Variants in PYGB observed in about 807,000 individuals in gnomAD.
PYGB encodes glycogen phosphorylase, brain form.
In PYGB, 82 loss-of-function variants were observed where a neutral mutation model predicts 94.3. That is an observed-to-expected ratio of 0.87 (90% CI 0.73 to 1.04). PYGB has a LOEUF of 1.04. PYGB is among the 50% of genes least tolerant of loss of function. The pLI is 0.00. For missense variants in PYGB, 1,132 were observed against 1,158.2 expected (o/e 0.98, Z 0.33); for synonymous variants, 488 against 479.1 (o/e 1.02, Z -0.24).
chr20:25,248,458 T>C, intron 1 of PYGB, 37 bp downstream of exon 1: 1 of 1,328,860 alleles, frequency 7.5e-7, no homozygotes, highest in Non-Finnish European at 9.7e-7. Context: ...CCGTGCCCGC[T>C]GAGAGGGCGC....
chr20:25,255,509 G>A (rs1181449823), intron 1 of PYGB, among the ~76,000 whole-genome samples: 1 of 152,236 alleles, frequency 6.6e-6, no homozygotes, highest in African/African-American at 2.4e-5. Flanking sequence ...GGCCAGCTCT[G>A]TCCATAGTGC....
chr20:25,270,884 A>G (rs886274831), intron 3 of PYGB, among the ~76,000 whole-genome samples: 3 of 152,226 alleles, frequency 2.0e-5, no homozygotes, highest in East Asian at 1.9e-4. Flanking sequence ...GACACGTGCT[A>G]TAGCGCCTTG....
intron 16 of PYGB, among the ~76,000 whole-genome samples, chr20:25,292,032 G>A (rs990716733): frequency 3.3e-5 from 5 of 152,204 alleles, no homozygotes; most frequent in Admixed American, 2.0e-4. Context: ...CCAGGGAGCC[G>A]CTGGGGCTGA....
chr20:25,297,356 C>G lies in PYGB; in HGVS notation c.*834C>G, dbSNP rs1196426161. 6.6e-6 allele frequency: 1 copy of G among 152,360 alleles called. No homozygotes were observed. The highest frequency in any genetic ancestry group is 2.4e-5 in the African/African-American group (1 of 41,460). The allele number at this position is 152,360 out of a possible 1,614,324, so 9.4% of individuals were successfully genotyped here. A position where few individuals can be genotyped will look rare whatever the true frequency, so the allele number is the denominator to read the frequency against. On this transcript the variant is annotated 3_prime_UTR_variant, in exon 20 of 20. Transcript: ENST00000216962. ...CTTGTTTTAGCAACTGAAAATTGTA[C>G]TTGGTCACTTTTGTGCTTGAGGAGG...
At chr20:25,279,734 TAAAAC>T (rs1436962884) in intron 9 of PYGB, among the ~76,000 whole-genome samples, 1 of 151,494 alleles carries the variant, frequency 6.6e-6, no homozygotes, top group Non-Finnish European at 1.5e-5. Context: ...CCCAGAAAAA[TAAAAC>T]CAAAAGAAAC....
chr20:25,274,536 G>A (rs1216717332), intron 4 of PYGB, 56 bp from the exon 5 acceptor site: 7 of 1,591,186 alleles, frequency 4.4e-6, no homozygotes, highest in East Asian at 2.2e-5. Context: ...TCCAGGACAG[G>A]GCGGTGGCCT....
At chr20:25,272,963 G>A (rs1398337929) in intron 4 of PYGB, among the ~76,000 whole-genome samples, 2 of 152,206 alleles carry the variant, frequency 1.3e-5, no homozygotes, top group African/African-American at 2.4e-5. Context: ...GGTGGTCCTC[G>A]TTCCTGTAAC....
chr20:25,281,576 C>G (rs1313282407), intron 11 of PYGB, among the ~76,000 whole-genome samples: 1 of 152,240 alleles, frequency 6.6e-6, no homozygotes, highest in South Asian at 2.1e-4. Flanking sequence ...GAGTACTGAG[C>G]AGGCAGCAGC....
intron 10 of PYGB, 93 bp from the exon 11 acceptor site, chr20:25,280,856 G>A (rs2088359526): frequency 2.0e-6 from 3 of 1,471,450 alleles, no homozygotes; most frequent in East Asian, 4.5e-5. Context: ...AGCTTCCCAT[G>A]GGTGGTCATG....
At chr20:25,253,860 T>C (rs530389234) in intron 1 of PYGB, among the ~76,000 whole-genome samples, 3 of 152,086 alleles carry the variant, frequency 2.0e-5, no homozygotes, top group African/African-American at 7.2e-5. Context: ...CTCCGAATCA[T>C]TTGAAAGTAA....
In PYGB at chr20:25,255,741, T is replaced by C. The variant is rs117974689; in HGVS notation, c.244-3496T>C. ...GTGAAAGCAGCCGCCCAACTCTTTTTTTTTTTTTTGAGGTGGAGTTTTGCT... is the reference window on the plus strand; with the variant it reads ...GTGAAAGCAGCCGCCCAACTCTTTTCTTTTTTTTTGAGGTGGAGTTTTGCT... On this transcript the variant is annotated intron_variant, in intron 1 of 19. Transcript: ENST00000216962. Among the ~76,000 whole-genome samples, 94 of 152,156 alleles carry C rather than the reference T, an allele frequency of 6.2e-4. No homozygotes were observed. In the East Asian group the frequency reaches 0.014, roughly 23 times the overall value.
Position 25,279,040 on chromosome 20 carries a change from C to G in PYGB, c.1000-17C>G, listed in dbSNP as rs1187023948. On this transcript the variant is annotated splice_polypyrimidine_tract_variant and intron_variant, in intron 8 of 19. Coordinates refer to ENST00000216962, the MANE Select transcript of PYGB (RefSeq NM_002862.4). ...TGGGATGAAATGACTGAATGGCACC[C>G]CTTGTGCGACCTTCAGGTGGCCATC... 1 of 1,603,932 alleles carries G rather than the reference C, an allele frequency of 6.2e-7. No homozygotes were observed. Among genetic ancestry groups the G allele is most frequent in the African/African-American group, 1.3e-5 (1 of 74,754 alleles).
At position 25,270,206 on chromosome 20, in the gene PYGB, G is replaced by T. The variant is rs6050506; in HGVS notation, c.424+999G>T. ...CCTGAAGTTTTTTTTGTTTTGTTTTGTTTTTTTTTTTTTTGAGATGGAGTC... is the reference window on the plus strand; with the variant it reads ...CCTGAAGTTTTTTTTGTTTTGTTTTTTTTTTTTTTTTTTTGAGATGGAGTC... On this transcript the variant is annotated intron_variant, in intron 3 of 19. Transcript: ENST00000216962. 9.8e-3 allele frequency among the ~76,000 whole-genome samples: 1,098 copies of T among 111,514 alleles called. 30 individuals are homozygous for T. Among genetic ancestry groups the T allele is most frequent in the African/African-American group, 0.026 (563 of 21,982 alleles). The allele number at this position is 111,514 out of a possible 152,430, so 73.2% of individuals were successfully genotyped here. A position where few individuals can be genotyped will look rare whatever the true frequency, so the allele number is the denominator to read the frequency against.
At chr20:25,295,501 C>A in intron 18 of PYGB, 103 bp from the exon 19 acceptor site, 1 of 1,345,410 alleles carries the variant, frequency 7.4e-7, no homozygotes, top group Non-Finnish European at 1.1e-6. Context: ...CCAGACAGGA[C>A]CAGGTGGATG....
chr20:25,291,073 G>T (rs1600742224), intron 16 of PYGB, among the ~76,000 whole-genome samples: 2 of 151,460 alleles, frequency 1.3e-5, no homozygotes, highest in East Asian at 3.9e-4. Flanking sequence ...ACATGCACCA[G>T]GCCAGTGGGG....
intron 1 of PYGB, among the ~76,000 whole-genome samples, chr20:25,255,631 A>G (rs1391503313): frequency 6.6e-6 from 1 of 151,958 alleles, no homozygotes; most frequent in South Asian, 2.1e-4. Context: ...CGAATACACA[A>G]AAGGAGAGTT....
At chr20:25,292,378 G>A in intron 16 of PYGB, 28 bp from the exon 17 acceptor site, 5 of 1,610,168 alleles carry the variant, frequency 3.1e-6, no homozygotes, top group Middle Eastern at 1.7e-4. Context: ...TCCTCACAGT[G>A]ATCCCCTCCA....
chr20:25,283,353 C>T (rs2088386935), intron 13 of PYGB, 76 bp downstream of exon 13: 1 of 1,324,726 alleles, frequency 7.5e-7, no homozygotes, highest in Non-Finnish European at 1.1e-6. Flanking sequence ...CCTAGCCCTC[C>T]TACAGGCCCA....
intron 16 of PYGB, 65 bp downstream of exon 16, chr20:25,290,687 C>T (rs2088458789): frequency 6.4e-7 from 1 of 1,573,724 alleles, no homozygotes; most frequent in Non-Finnish European, 8.7e-7. Context: ...GTTGTACTGG[C>T]CCCGGGCCTT....
Sources: allele counts gnomAD v4.1 joint callset (sites outside exome capture counted in the v4.1 genomes callset), GRCh38; gene constraint gnomAD v4.1.1; transcripts MANE v1.5; gene names NCBI Gene and HGNC (gene_info 2026-07-23, HGNC 2026-07-21).